Variants in HSPBAP1 observed in about 807,000 individuals in gnomAD.
The protein encoded by HSPBAP1 is HSPB1 associated protein 1.
HSPBAP1 carries 27 observed loss-of-function variants against 45.2 expected under a neutral mutation model. The observed-to-expected ratio is 0.60, with a 90% confidence interval of 0.44 to 0.82. The LOEUF is 0.82. Ranked by LOEUF, HSPBAP1 falls within the 40% of genes least tolerant of loss-of-function variation. The probability of loss-of-function intolerance (pLI) is 0.00; values close to 1 mark genes in which losing one functional copy is unlikely to be tolerated. For synonymous variants in HSPBAP1, 204 were observed against 202.7 expected (o/e 1.01, Z -0.06); for missense variants, 510 against 590.9 (o/e 0.86, Z 1.42).
At chr3:122,772,483 A>G (rs1017281452) in intron 2 of HSPBAP1, among the ~76,000 whole-genome samples, 14 of 152,206 alleles carry the variant, frequency 9.2e-5, no homozygotes, top group Non-Finnish European at 1.0e-4. Flanking sequence ...GCTGGAATAT[A>G]CAAGAATATA....
chr3:122,741,410 T>A (rs1933663989), intron 6 of HSPBAP1: 1 of 313,246 alleles, frequency 3.2e-6, no homozygotes, highest in Admixed American at 4.5e-5. Flanking sequence ...ATTTGACATG[T>A]TTAAAGTTTT....
chr3:122,787,453 G>T (rs2107543890), intron 1 of HSPBAP1, among the ~76,000 whole-genome samples: 1 of 152,170 alleles, frequency 6.6e-6, no homozygotes, highest in Admixed American at 6.5e-5. Context: ...AATATTAACA[G>T]AATATAACAA....
intron 3 of HSPBAP1, 60 bp downstream of exon 3, chr3:122,768,641 T>G (rs566785589): frequency 1.0e-5 from 12 of 1,166,738 alleles, no homozygotes; most frequent in Non-Finnish European, 1.5e-5. Flanking sequence ...GAGATTCTAA[T>G]TTGTGTTCTT....
At chr3:122,783,319 T>C (rs1445126866) in intron 1 of HSPBAP1, among the ~76,000 whole-genome samples, 1 of 152,236 alleles carries the variant, frequency 6.6e-6, no homozygotes, top group African/African-American at 2.4e-5. Context: ...TACAGGCCTA[T>C]GAATCTAAGT....
intron 1 of HSPBAP1, among the ~76,000 whole-genome samples, chr3:122,789,390 A>G (rs1392006362): frequency 6.6e-6 from 1 of 152,226 alleles, no homozygotes; most frequent in Admixed American, 6.5e-5. Context: ...ATCACACTCA[A>G]ATAACTGCAA....
In HSPBAP1 at chr3:122,781,437, CGCAGGCACTCG is replaced by C. The variant is rs370978003; in HGVS notation, c.65-3542_65-3532del. ...AGGCGTGGCGGCGCGTGCCTGCAAT[CGCAGGCACTCG>C]GCAGGCTGAGGCAGGAGAATCAGGC... On this transcript the variant is annotated intron_variant, in intron 1 of 7. Coordinates refer to ENST00000306103, the MANE Select transcript of HSPBAP1 (RefSeq NM_024610.6). Among the ~76,000 whole-genome samples the C allele has an allele frequency of 2.1e-5, 3 of 146,312 alleles. No individual in the cohort carries two copies. In the East Asian group the frequency reaches 6.9e-4, roughly 34 times the overall value.
chr3:122,746,633 T>C lies in HSPBAP1; in HGVS notation c.826-5520A>G, dbSNP rs1008231258. Among the ~76,000 whole-genome samples, 28 of 150,758 alleles carry C rather than the reference T, an allele frequency of 1.9e-4. 1 individual carries two copies. The South Asian group carries it at 2.6e-3, about 14-fold the overall frequency. On this transcript the variant is annotated intron_variant, in intron 6 of 7. Transcript: ENST00000306103. Reference sequence around the variant, plus strand: ...TCCTCTCTCCTCTCTCCTCTCTCTCTCCTCTCCCCTCTCCCCTCTCCCCAC... The same window carrying C: ...TCCTCTCTCCTCTCTCCTCTCTCTCCCCTCTCCCCTCTCCCCTCTCCCCAC...
chr3:122,792,577 C>CT (rs1935866070), intron 1 of HSPBAP1, among the ~76,000 whole-genome samples: 2 of 152,094 alleles, frequency 1.3e-5, no homozygotes, highest in African/African-American at 4.8e-5. Context: ...TTTCTGCTCC[C>CT]TGACTTCCTG....
intron 6 of HSPBAP1, among the ~76,000 whole-genome samples, chr3:122,750,373 T>C (rs1201999436): frequency 1.3e-5 from 2 of 152,244 alleles, no homozygotes; most frequent in Non-Finnish European, 2.9e-5. Flanking sequence ...TTGAATTAGA[T>C]ACTTTTATAG....
intron 1 of HSPBAP1, chr3:122,786,475 A>G (rs1456441125): frequency 2.0e-5 from 3 of 152,230 alleles, no homozygotes; most frequent in Admixed American, 6.5e-5. Context: ...TTGGGTAGAT[A>G]TAACTGGGTA....
intron 4 of HSPBAP1, among the ~76,000 whole-genome samples, chr3:122,756,370 A>T (rs137862987): frequency 6.6e-6 from 1 of 152,322 alleles, no homozygotes; most frequent in East Asian, 1.9e-4. Flanking sequence ...AGAAATAGTG[A>T]AATTCTTTAC....
Position 122,759,185 on chromosome 3 carries a change from CCACACACACACACA to C in HSPBAP1, c.569+25_569+38del. The C allele has an allele frequency of 5.5e-6, 8 of 1,463,962 alleles. No homozygotes were observed. The Admixed American group carries it at 1.2e-4, about 23-fold the overall frequency. The allele number at this position is 1,463,962 out of a possible 1,614,324, so 90.7% of individuals were successfully genotyped here. A position where few individuals can be genotyped will look rare whatever the true frequency, so the allele number is the denominator to read the frequency against. ...TATTGCATGCATGCACATGTGCGTT[CCACACACACACACA>C]CACACACACACACACACACATTACC... On this transcript the variant is annotated intron_variant, in intron 4 of 7. Coordinates refer to ENST00000306103, the MANE Select transcript of HSPBAP1 (RefSeq NM_024610.6).
intron 1 of HSPBAP1, among the ~76,000 whole-genome samples, chr3:122,780,798 C>T (rs1322144484): frequency 2.5e-4 from 35 of 140,932 alleles, no homozygotes; most frequent in South Asian, 9.4e-4. Context: ...ACTTCTCAGA[C>T]GGGGCGGTTG....
At chr3:122,778,516 T>C (rs572413487) in intron 1 of HSPBAP1, among the ~76,000 whole-genome samples, 7 of 97,358 alleles carry the variant, frequency 7.2e-5, no homozygotes, top group African/African-American at 1.9e-4. Flanking sequence ...GTATTTCTTT[T>C]TTTTTTATTT....
intron 1 of HSPBAP1, among the ~76,000 whole-genome samples, chr3:122,785,828 G>A (rs1053045496): frequency 4.7e-5 from 7 of 148,378 alleles, no homozygotes; most frequent in Middle Eastern, 3.5e-3. Context: ...TTTGCAGACA[G>A]GAGTAGCCAA....
At chr3:122,793,362 TAAAAC>T (rs1214292697) in intron 1 of HSPBAP1, among the ~76,000 whole-genome samples, 4 of 152,084 alleles carry the variant, frequency 2.6e-5, no homozygotes, top group African/African-American at 7.2e-5. Context: ...TGGGCAAATA[TAAAAC>T]AAAACAAAAC....
At chr3:122,743,333 GC>G (rs1933732835) in intron 6 of HSPBAP1, among the ~76,000 whole-genome samples, 1 of 152,160 alleles carries the variant, frequency 6.6e-6, no homozygotes, top group Non-Finnish European at 1.5e-5. Flanking sequence ...ATTTTGGGAG[GC>G]CAAGGCGGGT....
rs115163975 is a variant in HSPBAP1, at chr3:122,789,169, A to G, written c.64+4448T>C. On this transcript the variant is annotated intron_variant, in intron 1 of 7. Coordinates refer to ENST00000306103, the MANE Select transcript of HSPBAP1 (RefSeq NM_024610.6). ...ATGACATGGTGAGTACGGGTCTCCA[A>G]CTGAAAAAGATAAATCCAGTTATGT... Among the ~76,000 whole-genome samples, 1,286 of 152,326 alleles carry G rather than the reference A, an allele frequency of 8.4e-3. 16 individuals carry two copies. The highest frequency in any genetic ancestry group is 0.03 in the African/African-American group (1,234 of 41,566).
chr3:122,754,419 T>G, intron 5 of HSPBAP1: 1 of 441,172 alleles, frequency 2.3e-6, no homozygotes, highest in Non-Finnish European at 3.0e-6. Flanking sequence ...CTGTGTGAAA[T>G]GTCCAGAATG....
Sources: gnomAD v4.1 joint callset for allele counts (sites outside exome capture counted in the v4.1 genomes callset) on GRCh38, gnomAD v4.1.1 for gene constraint, MANE v1.5 for transcripts, NCBI Gene and HGNC (gene_info 2026-07-23, HGNC 2026-07-21) for gene names.